Variants in MAPRE2 observed in about 807,000 individuals in gnomAD.
MAPRE2 encodes microtubule-associated protein RP/EB family member 2.
In MAPRE2, 13 loss-of-function variants were observed where a neutral mutation model predicts 43.2. The ratio of observed to expected loss-of-function variants is 0.30; its 90% CI spans 0.20 to 0.48. MAPRE2 has a LOEUF of 0.48. Ranked by LOEUF, MAPRE2 falls within the 20% of genes least tolerant of loss-of-function variation. The pLI, the probability that MAPRE2 is intolerant of heterozygous loss-of-function variation, is 0.99. For synonymous variants in MAPRE2, 135 were observed against 148.8 expected (o/e 0.91, Z 0.68); for missense variants, 161 against 400.2 (o/e 0.40, Z 5.10).
At chr18:35,069,017 C>A (rs1391768054) in intron 1 of MAPRE2, among the ~76,000 whole-genome samples, 1 of 151,674 alleles carries the variant, frequency 6.6e-6, no homozygotes, top group Non-Finnish European at 1.5e-5. Context: ...GGCATCAAAT[C>A]CCCGTCCCAT....
chr18:34,995,351 A>C (rs1350474184), intron 1 of MAPRE2, among the ~76,000 whole-genome samples: 1 of 152,242 alleles, frequency 6.6e-6, no homozygotes, highest in Admixed American at 6.5e-5. Context: ...TCTCAAGCAC[A>C]CTGGATATAT....
At chr18:35,051,099 G>C (rs1402610219) in intron 1 of MAPRE2, among the ~76,000 whole-genome samples, 1 of 152,150 alleles carries the variant, frequency 6.6e-6, no homozygotes, top group African/African-American at 2.4e-5. Context: ...GCAGCATGGA[G>C]GACAGTGAGG....
intron 4 of MAPRE2, among the ~76,000 whole-genome samples, chr18:35,122,152 G>A (rs777006697): frequency 9.2e-5 from 14 of 152,170 alleles, no homozygotes; most frequent in Non-Finnish European, 1.3e-4. Flanking sequence ...TGAATATAAT[G>A]AGGACAAAAG....
intron 5 of MAPRE2, among the ~76,000 whole-genome samples, chr18:35,129,426 A>G (rs962893057): frequency 1.3e-5 from 2 of 152,216 alleles, no homozygotes; most frequent in Admixed American, 6.5e-5. Flanking sequence ...GACAAGTGCC[A>G]TAAACTTAGA....
chr18:35,075,514 A>C (rs1281358395), intron 2 of MAPRE2, among the ~76,000 whole-genome samples: 1 of 152,230 alleles, frequency 6.6e-6, no homozygotes, highest in African/African-American at 2.4e-5. Context: ...TAAGCATAAG[A>C]GTTTACTTAG....
At chr18:35,064,343 T>C (rs1444174967) in intron 1 of MAPRE2, among the ~76,000 whole-genome samples, 4 of 150,116 alleles carry the variant, frequency 2.7e-5, no homozygotes, top group African/African-American at 1.0e-4. Flanking sequence ...GTATATATAC[T>C]GTTTTGTCCT....
At chr18:35,029,887 T>G (rs2097046991) in intron 2 of MAPRE2, among the ~76,000 whole-genome samples, 1 of 152,212 alleles carries the variant, frequency 6.6e-6, no homozygotes, top group African/African-American at 2.4e-5. Flanking sequence ...TGTATCTGGA[T>G]GGTTGAATTA....
At position 34,978,673 on chromosome 18, in the gene MAPRE2, T is replaced by C. The variant is rs893328427; in HGVS notation, c.-70+1594T>C. The stretch of plus-strand genomic sequence containing the variant: ...TCTGGAAATGAAATGCTTCCTTACT[T>C]TGCTTTCGTTCTTTTCTGCCAAACT... On this transcript the variant is annotated intron_variant, in intron 1 of 7. Transcript: ENST00000413393. 4.9e-6 allele frequency: 4 copies of C among 813,942 alleles called. No individual in the cohort carries two copies. The African/African-American group carries it at 6.8e-5, about 14-fold the overall frequency. 50.4% of individuals were successfully genotyped at this position (813,942 alleles called of 1,614,324 possible). A position where few individuals can be genotyped will look rare whatever the true frequency, so the allele number is the denominator to read the frequency against.
At chr18:35,022,308 C>T (rs2097042385) in intron 2 of MAPRE2, among the ~76,000 whole-genome samples, 1 of 152,016 alleles carries the variant, frequency 6.6e-6, no homozygotes, top group African/African-American at 2.4e-5. Context: ...GCAATTTGTT[C>T]AAATTAGTAA....
chr18:35,062,877 G>A (rs1034240209), intron 1 of MAPRE2, among the ~76,000 whole-genome samples: 2 of 152,112 alleles, frequency 1.3e-5, no homozygotes, highest in African/African-American at 2.4e-5. Flanking sequence ...TAGTCTGCTC[G>A]TTGTTTCATT....
chr18:35,017,222 A>G (rs905575514), intron 2 of MAPRE2, among the ~76,000 whole-genome samples: 4 of 141,276 alleles, frequency 2.8e-5, no homozygotes, highest in African/African-American at 7.9e-5. Context: ...AAGTCAAGTA[A>G]TGTGATGCCT....
At chr18:35,092,318 T>G (rs1015950674) in intron 2 of MAPRE2, among the ~76,000 whole-genome samples, 3 of 152,176 alleles carry the variant, frequency 2.0e-5, no homozygotes, top group African/African-American at 7.2e-5. Context: ...AATCCACACG[T>G]TTGTAGCCAA....
intron 1 of MAPRE2, among the ~76,000 whole-genome samples, chr18:34,985,588 A>C (rs2097020351): frequency 1.2e-5 from 1 of 82,710 alleles, no homozygotes; most frequent in South Asian, 3.2e-4. Context: ...ACTATAAACT[A>C]TAATATATAA....
chr18:35,014,798 T>C (rs1173409118), intron 2 of MAPRE2, among the ~76,000 whole-genome samples: 2 of 152,108 alleles, frequency 1.3e-5, no homozygotes, highest in Non-Finnish European at 2.9e-5. Context: ...AAGGGTACTG[T>C]GGCCCCAGGG....
intron 1 of MAPRE2, among the ~76,000 whole-genome samples, chr18:35,058,190 C>A (rs1379453138): frequency 1.3e-5 from 2 of 152,142 alleles, no homozygotes; most frequent in African/African-American, 4.8e-5. Flanking sequence ...TGGCTGGGGG[C>A]ATAAGGATGT....
At chr18:35,057,507 C>T (rs72952286) in intron 1 of MAPRE2, among the ~76,000 whole-genome samples, 104 of 149,520 alleles carry the variant, frequency 7.0e-4, no homozygotes, top group Admixed American at 6.6e-4. Context: ...GGAGTGTGTG[C>T]GTGTGTGTGT....
At chr18:35,127,246 A>G (rs11872803) in intron 5 of MAPRE2, 159 bp downstream of exon 5, 4 of 688,312 alleles carry the variant, frequency 5.8e-6, no homozygotes, top group African/African-American at 3.6e-5. Context: ...AGACAAAATC[A>G]GTAGCCCATG....
intron 2 of MAPRE2, among the ~76,000 whole-genome samples, chr18:35,073,883 A>G (rs1907221154): frequency 6.6e-6 from 1 of 152,234 alleles, no homozygotes; most frequent in African/African-American, 2.4e-5. Flanking sequence ...ACACTTGGAA[A>G]TATGTTTGTA....
chr18:35,053,011 CA>C (rs757669853), intron 1 of MAPRE2, among the ~76,000 whole-genome samples: 61,598 of 136,400 alleles, frequency 0.45, 13,716 homozygotes, highest in Non-Finnish European at 0.53. Flanking sequence ...GTCCCCCCCA[CA>C]CACACACACA....
Sources: allele counts gnomAD v4.1 joint callset (sites outside exome capture counted in the v4.1 genomes callset), GRCh38; gene constraint gnomAD v4.1.1; transcripts MANE v1.5; gene names NCBI Gene and HGNC (gene_info 2026-07-23, HGNC 2026-07-21).